Variants in PPP6R2 observed in about 807,000 individuals in gnomAD.
PPP6R2 encodes serine/threonine-protein phosphatase 6 regulatory subunit 2.
PPP6R2 carries 62 observed loss-of-function variants against 100.2 expected under a neutral mutation model. The ratio of observed to expected loss-of-function variants is 0.62; its 90% CI spans 0.50 to 0.76. The LOEUF is 0.76. Ranked by LOEUF, PPP6R2 falls within the 30% of genes least tolerant of loss-of-function variation. The pLI, the probability that PPP6R2 is intolerant of heterozygous loss-of-function variation, is 0.00. For synonymous variants in PPP6R2, 525 were observed against 514.7 expected (o/e 1.02, Z -0.27); for missense variants, 1,142 against 1,276.3 (o/e 0.89, Z 1.60).
intron 22 of PPP6R2, among the ~76,000 whole-genome samples, chr22:50,441,644 A>G (rs1029338957): frequency 1.3e-5 from 2 of 150,996 alleles, no homozygotes; most frequent in African/African-American, 4.8e-5. Context: ...GCAGGCTGGC[A>G]GAGGCCCAGG....
intron 21 of PPP6R2, 169 bp from the exon 22 acceptor site, chr22:50,440,653 C>T (rs2065366655): frequency 2.8e-6 from 2 of 710,186 alleles, no homozygotes; most frequent in South Asian, 3.5e-5. Flanking sequence ...GACCCCATGG[C>T]AGGTGCGTGA....
intron 3 of PPP6R2, among the ~76,000 whole-genome samples, chr22:50,396,067 C>T (rs1012234890): frequency 1.0e-4 from 15 of 149,762 alleles, no homozygotes; most frequent in East Asian, 7.9e-4. Flanking sequence ...TAGTGGCGCA[C>T]GCCTGTAATC....
At chr22:50,394,284 C>G (rs1341136230) in intron 3 of PPP6R2, 149 bp downstream of exon 3, 1 of 1,253,992 alleles carries the variant, frequency 8.0e-7, no homozygotes, top group Non-Finnish European at 1.1e-6. Flanking sequence ...GAGGGCACTC[C>G]CATGGGGTCT....
intron 2 of PPP6R2, chr22:50,393,521 C>G (rs541775790): frequency 1.0e-6 from 1 of 982,728 alleles, no homozygotes; most frequent in Non-Finnish European, 1.2e-6. Flanking sequence ...ATGTCGAGCA[C>G]GCTGGTGGGT....
chr22:50,417,173 C>T (rs1344117426), intron 6 of PPP6R2, among the ~76,000 whole-genome samples: 1 of 152,136 alleles, frequency 6.6e-6, no homozygotes, highest in African/African-American at 2.4e-5. Flanking sequence ...GAGGCCAGCT[C>T]CATGGTCACA....
upstream of PPP6R2, among the ~76,000 whole-genome samples, chr22:50,338,977 T>G (rs1490202080): frequency 4.3e-5 from 6 of 140,292 alleles, no homozygotes; most frequent in Non-Finnish European, 3.1e-5. Flanking sequence ...GTGTGTGGTG[T>G]GTGTGTGGTA....
chr22:50,395,286 C>T (rs1394296057), intron 3 of PPP6R2, among the ~76,000 whole-genome samples: 1 of 152,168 alleles, frequency 6.6e-6, no homozygotes, highest in Non-Finnish European at 1.5e-5. Context: ...GGAGATGACA[C>T]AGAGGGAGGG....
At chr22:50,408,447 C>A (rs949348652) in intron 4 of PPP6R2, among the ~76,000 whole-genome samples, 13 of 152,076 alleles carry the variant, frequency 8.5e-5, no homozygotes, top group Admixed American at 8.5e-4. Flanking sequence ...TTGCAAGGGC[C>A]GCCAGGGGAC....
intron 2 of PPP6R2, 97 bp from the exon 3 acceptor site, chr22:50,393,796 A>G: frequency 6.4e-7 from 1 of 1,557,618 alleles, no homozygotes; most frequent in Non-Finnish European, 8.7e-7. Flanking sequence ...GTGGATCTGC[A>G]GAGGTGAGAG....
rs1270060192 is a variant in PPP6R2, at chr22:50,435,059, G to A, written c.1494G>A (p.Thr498=). 2 of 1,575,030 alleles carry A rather than the reference G, an allele frequency of 1.3e-6. No individual in the cohort carries two copies. Among genetic ancestry groups the A allele is most frequent in the African/African-American group, 1.4e-5 (1 of 73,750 alleles). Residue 498 remains threonine (T), a synonymous_variant, in exon 13 of 24, where the codon ACG becomes ACA. Transcript: ENST00000612753. ...ACCTGGAGCGGGGCCCTGTGCAGACGCACATCAGCGAGGTCATCCGAGGTG... is the reference window on the plus strand; with the variant it reads ...ACCTGGAGCGGGGCCCTGTGCAGACACACATCAGCGAGGTCATCCGAGGTG... The part of the protein sequence containing the change: ...VQNLERGPVQ[T]HISEVIRGLP...
rs2064412942 is a variant in PPP6R2 at position 50,436,894 on chromosome 22, G to A, written c.1603-94G>A. On this transcript the variant is annotated intron_variant, in intron 14 of 23. Coordinates refer to ENST00000612753, the MANE Select transcript of PPP6R2 (RefSeq NM_001242898.2). The stretch of plus-strand genomic sequence containing the variant: ...GTGATGTGCTGGGTGGGGTCTGGGA[G>A]CCCTGGGCTGGGCATGGTCCTGGGC... The A allele has an allele frequency of 3.6e-5, 36 of 1,000,098 alleles. No individual in the cohort carries two copies. In the South Asian group the frequency reaches 4.9e-4, roughly 14 times the overall value. The allele number at this position is 1,000,098 out of a possible 1,614,324, so 62.0% of individuals were successfully genotyped here.
intron 3 of PPP6R2, among the ~76,000 whole-genome samples, chr22:50,404,166 C>A (rs541348614): frequency 2.3e-4 from 35 of 150,738 alleles, no homozygotes; most frequent in African/African-American, 8.5e-4. Context: ...TTGATCTCAT[C>A]TCACTGCAAC....
At chr22:50,442,720 T>C (rs923848540) in intron 22 of PPP6R2, among the ~76,000 whole-genome samples, 7 of 151,796 alleles carry the variant, frequency 4.6e-5, no homozygotes, top group Non-Finnish European at 1.0e-4. Context: ...GCCCGGCTAA[T>C]TTTTTGTATT....
upstream of PPP6R2, among the ~76,000 whole-genome samples, chr22:50,339,267 T>C (rs1346000565): frequency 2.6e-4 from 23 of 87,940 alleles, 1 homozygote; most frequent in African/African-American, 1.8e-4. Flanking sequence ...TGTGATTGTG[T>C]GGTGTGTGTA....
chr22:50,337,995 TTG>T, the PPP6R2 span, among the ~76,000 whole-genome samples: 6 of 135,534 alleles, frequency 4.4e-5, no homozygotes, highest in South Asian at 1.5e-3. Flanking sequence ...GGTGTGTATG[TTG>T]TGTGGGTATA....
intron 1 of PPP6R2, among the ~76,000 whole-genome samples, chr22:50,366,618 G>A (rs920882327): frequency 2.6e-5 from 4 of 152,048 alleles, no homozygotes; most frequent in Admixed American, 2.6e-4. Flanking sequence ...TCATCTTTTT[G>A]AGTGATGCTT....
At chr22:50,425,398 C>CT (rs2061956411) in intron 10 of PPP6R2, among the ~76,000 whole-genome samples, 1 of 152,252 alleles carries the variant, frequency 6.6e-6, no homozygotes, top group Non-Finnish European at 1.5e-5. Flanking sequence ...ATCCATCCAT[C>CT]AGTGGAGACT....
chr22:50,410,423 A>G (rs2059575335), intron 4 of PPP6R2, among the ~76,000 whole-genome samples: 1 of 146,028 alleles, frequency 6.8e-6, no homozygotes, highest in Admixed American at 6.8e-5. Context: ...CTTTCACTAG[A>G]TTTATTCTTA....
At chr22:50,404,390 C>T (rs796867839) in intron 3 of PPP6R2, among the ~76,000 whole-genome samples, 14 of 151,284 alleles carry the variant, frequency 9.3e-5, no homozygotes, top group African/African-American at 2.9e-4. Context: ...CCACTGCACC[C>T]GGCATATATT....
Sources: allele counts gnomAD v4.1 joint callset (sites outside exome capture counted in the v4.1 genomes callset), GRCh38; gene constraint gnomAD v4.1.1; transcripts MANE v1.5; gene names NCBI Gene and HGNC (gene_info 2026-07-23, HGNC 2026-07-21).